The following WDR25 variants were observed in gnomAD, a reference collection of about 807,000 sequenced individuals.
The protein encoded by WDR25 is WD repeat-containing protein 25.
WDR25 carries 35 observed loss-of-function variants against 47.7 expected under a neutral mutation model. The ratio of observed to expected loss-of-function variants is 0.73; its 90% CI spans 0.56 to 0.97. WDR25 has a LOEUF of 0.97. Among genes scored for constraint, WDR25 ranks in the 50% least tolerant of loss-of-function variants. The pLI is 0.00. For missense variants in WDR25, 634 were observed against 704.7 expected (o/e 0.90, Z 1.14); for synonymous variants, 248 against 278.9 (o/e 0.89, Z 1.10).
At chr14:100,385,748 G>C (rs557590099) in intron 2 of WDR25, among the ~76,000 whole-genome samples, 1 of 152,178 alleles carries the variant, frequency 6.6e-6, no homozygotes, top group South Asian at 2.1e-4. Flanking sequence ...ATCCCAGCAC[G>C]GATACCCTTT....
intron 2 of WDR25, among the ~76,000 whole-genome samples, chr14:100,451,945 C>A (rs1457220378): frequency 2.6e-5 from 4 of 152,184 alleles, no homozygotes; most frequent in African/African-American, 9.7e-5. Context: ...GCTGATGACC[C>A]AAAGCTAGGA....
rs140693058 is a variant in WDR25 at position 100,394,799 on chromosome 14, A to G, written c.822+13053A>G. Among the ~76,000 whole-genome samples, 187 of 152,304 alleles carry G rather than the reference A, an allele frequency of 1.2e-3. 4 individuals carry two copies. The Middle Eastern group carries it at 0.014, about 11-fold the overall frequency. On this transcript the variant is annotated intron_variant, in intron 2 of 6. Transcript: ENST00000402312. Reference sequence around the variant, plus strand: ...CCAGGATTTCGGGGCCAGCCTGGACAAAATAGGGAGGCCTATCTCCACAAA... The same window carrying G: ...CCAGGATTTCGGGGCCAGCCTGGACGAAATAGGGAGGCCTATCTCCACAAA...
chr14:100,509,754 A>G (rs879268524), intron 4 of WDR25, among the ~76,000 whole-genome samples: 1 of 152,152 alleles, frequency 6.6e-6, no homozygotes, highest in Admixed American at 6.5e-5. Context: ...TTTGGGCTTC[A>G]TATTAAAGTC....
At chr14:100,526,179 T>G in intron 5 of WDR25, 139 bp downstream of exon 5, 1 of 1,093,268 alleles carries the variant, frequency 9.1e-7, no homozygotes, top group Non-Finnish European at 1.3e-6. Context: ...GGTAGTCAGG[T>G]CTCAGCCTGC....
intron 5 of WDR25, among the ~76,000 whole-genome samples, chr14:100,527,515 C>T (rs1207379356): frequency 6.6e-6 from 1 of 152,238 alleles, no homozygotes; most frequent in African/African-American, 2.4e-5. Flanking sequence ...TCCTTGTTCT[C>T]AGTGGGTTCT....
chr14:100,483,870 G>A (rs930891003), intron 3 of WDR25, 124 bp from the exon 4 acceptor site: 4 of 1,204,856 alleles, frequency 3.3e-6, no homozygotes, highest in Non-Finnish European at 4.5e-6. Context: ...TGTCCATTGG[G>A]CTACATCGGG....
intron 3 of WDR25, among the ~76,000 whole-genome samples, chr14:100,479,377 A>G (rs1900126428): frequency 1.3e-5 from 2 of 151,760 alleles, no homozygotes; most frequent in East Asian, 3.9e-4. Context: ...AGAAGGCTTT[A>G]TGTACCACCT....
At chr14:100,521,548 A>G (rs1295287095) in intron 4 of WDR25, among the ~76,000 whole-genome samples, 2 of 152,174 alleles carry the variant, frequency 1.3e-5, no homozygotes, top group Non-Finnish European at 2.9e-5. Flanking sequence ...TTTTCACTGA[A>G]CAATGTGTCC....
chr14:100,413,091 A>G (rs990868210), intron 2 of WDR25, among the ~76,000 whole-genome samples: 2 of 152,170 alleles, frequency 1.3e-5, no homozygotes, highest in African/African-American at 4.8e-5. Context: ...TGGCCTCCCA[A>G]AGTTCTGGGA....
At chr14:100,480,245 C>T (rs535338298) in intron 3 of WDR25, among the ~76,000 whole-genome samples, 4 of 152,286 alleles carry the variant, frequency 2.6e-5, no homozygotes, top group East Asian at 3.9e-4. Flanking sequence ...CTTCTCCATA[C>T]GGGTTGGATG....
At chr14:100,460,870 T>C (rs1054431098) in intron 2 of WDR25, among the ~76,000 whole-genome samples, 13 of 152,086 alleles carry the variant, frequency 8.5e-5, no homozygotes, top group Non-Finnish European at 1.6e-4. Flanking sequence ...AGGATCCAGA[T>C]TGGAAAGGAG....
chr14:100,392,027 T>C lies in WDR25; in HGVS notation c.822+10281T>C, dbSNP rs1897157313. Among the ~76,000 whole-genome samples the C allele has an allele frequency of 6.6e-6, 1 of 152,220 alleles. No homozygotes were observed. Among genetic ancestry groups the C allele is most frequent in the Non-Finnish European group, 1.5e-5 (1 of 68,036 alleles). ...AATGTAAACAATGCCTTCTTACTAA[T>C]TTTTCTTGGTCTTGGAAAATAGAGT... On this transcript the variant is annotated intron_variant, in intron 2 of 6. Coordinates refer to ENST00000402312, the MANE Select transcript of WDR25 (RefSeq NM_001161476.3). The surrounding 1 kb of genome is among the most constrained non-coding windows in gnomAD (Gnocchi z 4.2).
chr14:100,389,677 C>CCTTGATCTTCTACCTTGATCAA (rs1897095884), intron 2 of WDR25, among the ~76,000 whole-genome samples: 1 of 152,220 alleles, frequency 6.6e-6, no homozygotes, highest in Non-Finnish European at 1.5e-5. Context: ...CAGAGGACAG[C>CCTTGATCTTCTACCTTGATCAA]GTACCTTGAT....
intron 2 of WDR25, among the ~76,000 whole-genome samples, chr14:100,420,418 C>T (rs571345876): frequency 6.6e-6 from 1 of 152,292 alleles, no homozygotes; most frequent in South Asian, 2.1e-4. Flanking sequence ...CATCTTCTAT[C>T]ATGTGGTTGT....
At chr14:100,384,427 G>A (rs967899749) in intron 2 of WDR25, among the ~76,000 whole-genome samples, 1 of 152,210 alleles carries the variant, frequency 6.6e-6, no homozygotes, top group African/African-American at 2.4e-5. Context: ...TTGGGAACCG[G>A]CGGGGAGCCA....
rs545412497 is a variant in WDR25, at chr14:100,475,206, G to C, written c.970+7038G>C. Among the ~76,000 whole-genome samples the C allele has an allele frequency of 2.0e-5, 3 of 152,334 alleles. No homozygotes were observed. In the East Asian group the frequency reaches 5.8e-4, roughly 29 times the overall value. Reference sequence around the variant, plus strand: ...AATGTAAATGAGTACAGCTATTTTGGAAAATAGTGTGGAGGTTCTTCAAAA... The same window carrying C: ...AATGTAAATGAGTACAGCTATTTTGCAAAATAGTGTGGAGGTTCTTCAAAA... On this transcript the variant is annotated intron_variant, in intron 3 of 6. Coordinates refer to ENST00000402312, the MANE Select transcript of WDR25 (RefSeq NM_001161476.3).
chr14:100,484,163 A>G, intron 4 of WDR25, 39 bp downstream of exon 4: 1 of 1,579,828 alleles, frequency 6.3e-7, no homozygotes, highest in Non-Finnish European at 8.6e-7. Context: ...TCCACAGGAG[A>G]GCTTGTTTCG....
At chr14:100,429,555 A>G (rs1158413437) in intron 2 of WDR25, among the ~76,000 whole-genome samples, 1 of 152,164 alleles carries the variant, frequency 6.6e-6, no homozygotes, top group Non-Finnish European at 1.5e-5. Context: ...TCAGAAAATC[A>G]AGGATTCAAC....
intron 3 of WDR25, among the ~76,000 whole-genome samples, chr14:100,483,050 C>T (rs1034800011): frequency 7.9e-5 from 12 of 152,150 alleles, no homozygotes; most frequent in Non-Finnish European, 1.5e-4. Context: ...GAGACTCCCA[C>T]AGTGAGAACA....
Sources: gnomAD v4.1 joint callset for allele counts (sites outside exome capture counted in the v4.1 genomes callset) on GRCh38, gnomAD v4.1.1 for gene constraint, Gnocchi (gnomAD v3.1) non-coding constraint, MANE v1.5 for transcripts, NCBI Gene and HGNC (gene_info 2026-07-23, HGNC 2026-07-21) for gene names.